The following ATP2B2 variants were observed in gnomAD, a reference collection of about 807,000 sequenced individuals.
ATP2B2 encodes ATPase plasma membrane Ca2+ transporting 2.
ATP2B2 carries 15 observed loss-of-function variants against 120.0 expected under a neutral mutation model. The ratio of observed to expected loss-of-function variants is 0.12; its 90% confidence interval spans 0.08 to 0.19. ATP2B2 has a LOEUF of 0.19. ATP2B2 is among the 10% of genes least tolerant of loss of function. ATP2B2 has a pLI of 1.00. For synonymous variants in ATP2B2, 694 were observed against 700.3 expected (o/e 0.99, Z 0.14); for missense variants, 1,045 against 1,719.8 (o/e 0.61, Z 6.94).
rs2061352516 is a variant in ATP2B2 at position 10,375,363 on chromosome 3, A to G, written c.1416+67T>C. 2.1e-6 allele frequency: 3 copies of G among 1,400,682 alleles called. No homozygotes were observed. Among genetic ancestry groups the G allele is most frequent in the Non-Finnish European group, 3.0e-6 (3 of 996,644 alleles). The allele number at this position is 1,400,682 out of a possible 1,614,324, so 86.8% of individuals were successfully genotyped here. A position where few individuals can be genotyped will look rare whatever the true frequency, so the allele number is the denominator to read the frequency against. On this transcript the variant is annotated intron_variant, in intron 11 of 22. Transcript: ENST00000360273. This position sits in a 1 kb window ranked among gnomAD's most constrained non-coding sequence, Gnocchi z 4.2. Reference sequence around the variant, plus strand: ...ATCTCCCAACCCCAGCACCAGCCCCAGTGATTCCCCCAGGCCCTCAGCTGC... The same window carrying G: ...ATCTCCCAACCCCAGCACCAGCCCCGGTGATTCCCCCAGGCCCTCAGCTGC...
chr3:10,680,677 C>A (rs1559518519), intron 1 of ATP2B2, among the ~76,000 whole-genome samples: 1 of 152,168 alleles, frequency 6.6e-6, no homozygotes, highest in African/African-American at 2.4e-5. Flanking sequence ...CTGATCCTCT[C>A]ATTGATTAAT....
intron 22 of ATP2B2, among the ~76,000 whole-genome samples, chr3:10,334,141 T>G (rs1197302858): frequency 6.6e-6 from 1 of 152,178 alleles, no homozygotes; most frequent in Non-Finnish European, 1.5e-5. Context: ...CGGGGACGAC[T>G]TCCAAAGGCA....
At chr3:10,568,987 C>T (rs2068067748) in intron 2 of ATP2B2, among the ~76,000 whole-genome samples, 2 of 152,216 alleles carry the variant, frequency 1.3e-5, no homozygotes, top group South Asian at 2.1e-4. Context: ...ATAACTTCTG[C>T]AGCTGCTGCT....
intron 3 of ATP2B2, among the ~76,000 whole-genome samples, chr3:10,407,026 T>TG (rs760471086): frequency 1.2e-4 from 19 of 152,222 alleles, no homozygotes; most frequent in Non-Finnish European, 2.4e-4. Context: ...CCCCCAGACC[T>TG]GACCCTGGAA....
At chr3:10,376,764 C>T (rs551887642) in intron 10 of ATP2B2, among the ~76,000 whole-genome samples, 1 of 152,204 alleles carries the variant, frequency 6.6e-6, no homozygotes, top group Non-Finnish European at 1.5e-5. Context: ...CAGCCATCTG[C>T]TTTGAGGTAG....
At chr3:10,391,881 T>C (rs1223808727) in intron 5 of ATP2B2, among the ~76,000 whole-genome samples, 2 of 152,218 alleles carry the variant, frequency 1.3e-5, no homozygotes, top group East Asian at 1.9e-4. Flanking sequence ...GAGTCCTGTC[T>C]CGTGGCCTCT....
chr3:10,536,655 T>C (rs2067324281), intron 2 of ATP2B2, among the ~76,000 whole-genome samples: 1 of 152,138 alleles, frequency 6.6e-6, no homozygotes, highest in African/African-American at 2.4e-5. Context: ...GCCTCCTGAA[T>C]AGCTGGGACT....
Position 10,501,962 on chromosome 3 carries a change from C to T in ATP2B2, c.-320+3503G>A, listed in dbSNP as rs141419750. Among the ~76,000 whole-genome samples the T allele has an allele frequency of 7.9e-5, 12 of 152,252 alleles. No homozygotes were observed. In the East Asian group the frequency reaches 2.3e-3, roughly 29 times the overall value. Reference sequence around the variant, plus strand: ...CCTCCTGATTCATCAAGGTAGGGCCCAGAAATCTGCCCCCATCAGGTGATC... The same window carrying T: ...CCTCCTGATTCATCAAGGTAGGGCCTAGAAATCTGCCCCCATCAGGTGATC... On this transcript the variant is annotated intron_variant, in intron 1 of 22. Transcript: ENST00000360273.
chr3:10,438,578 A>T (rs1027521119), intron 2 of ATP2B2, among the ~76,000 whole-genome samples: 7 of 152,182 alleles, frequency 4.6e-5, no homozygotes, highest in Non-Finnish European at 1.0e-4. Context: ...CTGAGGCACT[A>T]ATTTCCACTG....
intron 2 of ATP2B2, among the ~76,000 whole-genome samples, chr3:10,554,312 T>C (rs899255547): frequency 6.6e-6 from 1 of 152,158 alleles, no homozygotes; most frequent in African/African-American, 2.4e-5. Context: ...GAATAATGGC[T>C]GCACAAAGAC....
At chr3:10,406,572 C>T (rs1027142232) in intron 3 of ATP2B2, among the ~76,000 whole-genome samples, 10 of 152,322 alleles carry the variant, frequency 6.6e-5, no homozygotes, top group Admixed American at 4.6e-4. Flanking sequence ...CTAGGAGCAA[C>T]GGGCTGCACC....
chr3:10,449,711 G>A lies in ATP2B2; in HGVS notation c.-168C>T, dbSNP rs1011293823. ...GTGGGGGTGGCCGAGGCGGGCTGGT[G>A]ACAGTGGTGGTGAGCTCCAAGAGGT... On this transcript the variant is annotated 5_prime_UTR_variant, in exon 2 of 23. Transcript: ENST00000360273. 3.8e-5 allele frequency: 29 copies of A among 763,450 alleles called. No homozygotes were observed. The highest frequency in any genetic ancestry group is 6.3e-5 in the Non-Finnish European group (28 of 444,244). The allele number at this position is 763,450 out of a possible 1,614,324, so 47.3% of individuals were successfully genotyped here.
intron 2 of ATP2B2, among the ~76,000 whole-genome samples, chr3:10,545,386 G>A (rs371752891): frequency 3.9e-5 from 6 of 152,030 alleles, no homozygotes; most frequent in African/African-American, 1.4e-4. Context: ...AAAATTAGCC[G>A]GGCATGATGG....
intron 3 of ATP2B2, among the ~76,000 whole-genome samples, chr3:10,531,120 G>A (rs2067200586): frequency 6.6e-6 from 1 of 152,200 alleles, no homozygotes; most frequent in Non-Finnish European, 1.5e-5. Context: ...AGTTGCAGGA[G>A]GGGCAGCCTC....
intron 5 of ATP2B2, among the ~76,000 whole-genome samples, chr3:10,392,990 C>A (rs1013889283): frequency 2.0e-5 from 3 of 152,164 alleles, no homozygotes; most frequent in Admixed American, 2.0e-4. Context: ...GACCAGATGG[C>A]GCCCCCCTTC....
chr3:10,644,179 C>G (rs909524294), intron 1 of ATP2B2, among the ~76,000 whole-genome samples: 7 of 152,162 alleles, frequency 4.6e-5, no homozygotes, highest in African/African-American at 1.7e-4. Context: ...AAAATATACT[C>G]AACAACTTCA....
chr3:10,502,446 C>T (rs1473007022), intron 1 of ATP2B2, among the ~76,000 whole-genome samples: 3 of 152,204 alleles, frequency 2.0e-5, no homozygotes, highest in African/African-American at 7.2e-5. Flanking sequence ...AGTCAAACAC[C>T]TGGGGAAAAC....
rs1428646802 is a variant in ATP2B2 at position 10,340,266 on chromosome 3, C to A, written c.3213G>T (p.Gly1071=). The A allele has an allele frequency of 1.2e-6, 2 of 1,614,122 alleles. No individual in the cohort carries two copies. Among genetic ancestry groups the A allele is most frequent in the Middle Eastern group, 1.6e-4 (1 of 6,082 alleles). The change falls in exon 21 of 23, where the codon GGG becomes GGT. Residue 1071 remains glycine (G), a synonymous_variant. Coordinates refer to ENST00000360273, the MANE Select transcript of ATP2B2 (RefSeq NM_001001331.4). The surrounding 1 kb of genome is among the most constrained non-coding windows in gnomAD (Gnocchi z 5.0). ...CCTGGCCCCAAACGAGCTCTCCTAA[C>A]CCAATGAATATGCACCACATCCACT... The part of the protein sequence containing the change: ...LDQWMWCIFI[G]LGELVWGQVI...
intron 1 of ATP2B2, among the ~76,000 whole-genome samples, chr3:10,648,830 T>G (rs1206228341): frequency 2.0e-5 from 3 of 152,206 alleles, no homozygotes; most frequent in Non-Finnish European, 4.4e-5. Context: ...CTACCTCCAT[T>G]TCTGCCCCTG....
Sources: allele counts gnomAD v4.1 joint callset (sites outside exome capture counted in the v4.1 genomes callset), GRCh38; gene constraint gnomAD v4.1.1; non-coding constraint Gnocchi (gnomAD v3.1); transcripts MANE v1.5; gene names NCBI Gene and HGNC (gene_info 2026-07-23, HGNC 2026-07-21).